LRPPRC: variants seen among roughly 807,000 people sequenced by gnomAD.
The protein encoded by LRPPRC is leucine rich pentatricopeptide repeat containing, also known as leucine-rich PPR motif-containing protein, mitochondrial.
Under a neutral mutation model 180.3 loss-of-function variants are expected in LRPPRC, and 120 were observed. The ratio of observed to expected loss-of-function variants is 0.67; its 90% CI spans 0.57 to 0.77. The LOEUF is 0.77. LRPPRC is among the 30% of genes least tolerant of loss of function. The probability of loss-of-function intolerance (pLI) is 0.00; values close to 1 mark genes in which losing one functional copy is unlikely to be tolerated. For synonymous variants in LRPPRC, 723 were observed against 600.0 expected (o/e 1.21, Z -3.00); for missense variants, 2,012 against 1,657.2 (o/e 1.21, Z -3.72).
intron 26 of LRPPRC, 76 bp downstream of exon 26, chr2:43,925,817 T>A: frequency 1.1e-6 from 1 of 947,598 alleles, no homozygotes; most frequent in Non-Finnish European, 1.7e-6. Flanking sequence ...AGTCCCCAAA[T>A]CTTCATGTGA....
chr2:43,955,003 G>C (rs1040654099), intron 14 of LRPPRC, among the ~76,000 whole-genome samples: 3 of 152,100 alleles, frequency 2.0e-5, no homozygotes, highest in Non-Finnish European at 4.4e-5. Flanking sequence ...AGCATGGAAG[G>C]ATACACTCCA....
chr2:43,934,050 C>A (rs542613717), intron 25 of LRPPRC, 140 bp downstream of exon 25: 6 of 622,442 alleles, frequency 9.6e-6, no homozygotes, highest in East Asian at 8.5e-5. Flanking sequence ...TGGCCGAGAT[C>A]CCCCTCCCCC....
chr2:43,956,661 A>T (rs1673129800), intron 14 of LRPPRC, among the ~76,000 whole-genome samples: 1 of 152,124 alleles, frequency 6.6e-6, no homozygotes, highest in African/African-American at 2.4e-5. Flanking sequence ...AGGCCGAGGC[A>T]GGTGAATCAC....
At chr2:43,912,354 T>G in intron 30 of LRPPRC, 78 bp downstream of exon 30, 1 of 1,302,340 alleles carries the variant, frequency 7.7e-7, no homozygotes, top group Non-Finnish European at 1.1e-6. Context: ...ACACAGCACA[T>G]TACTATTATA....
intron 23 of LRPPRC, among the ~76,000 whole-genome samples, chr2:43,935,271 T>G (rs1672235843): frequency 6.6e-6 from 1 of 152,240 alleles, no homozygotes; most frequent in Non-Finnish European, 1.5e-5. Context: ...TCCAATCACT[T>G]ACGTGCCTTT....
intron 31 of LRPPRC, chr2:43,903,533 T>C (rs980502742): frequency 1.6e-4 from 23 of 139,748 alleles, no homozygotes; most frequent in African/African-American, 5.2e-4. Flanking sequence ...CTGATGATCA[T>C]TTTACTCTAA....
intron 1 of LRPPRC, among the ~76,000 whole-genome samples, chr2:43,987,345 A>G (rs1049213701): frequency 2.0e-5 from 3 of 152,062 alleles, no homozygotes; most frequent in African/African-American, 7.2e-5. Context: ...AATACAAAAA[A>G]TTAGCCAGGG....
intron 23 of LRPPRC, among the ~76,000 whole-genome samples, chr2:43,942,873 G>T (rs1052412054): frequency 1.3e-5 from 2 of 151,918 alleles, no homozygotes; most frequent in African/African-American, 4.8e-5. Context: ...TTTCAGATAC[G>T]TATATCTTCC....
At chr2:43,961,984 G>A (rs986260759) in intron 12 of LRPPRC, among the ~76,000 whole-genome samples, 9 of 152,072 alleles carry the variant, frequency 5.9e-5, no homozygotes, top group African/African-American at 1.9e-4. Flanking sequence ...AAAAAAAGCA[G>A]ATCAATACTG....
At chr2:43,989,770 AT>A (rs1440960897) in intron 1 of LRPPRC, among the ~76,000 whole-genome samples, 1 of 152,214 alleles carries the variant, frequency 6.6e-6, no homozygotes, top group Non-Finnish European at 1.5e-5. Context: ...TATGTAAAAC[AT>A]TTCAGAAACG....
chr2:43,914,125 T>C (rs1671358062), intron 29 of LRPPRC, among the ~76,000 whole-genome samples: 1 of 152,234 alleles, frequency 6.6e-6, no homozygotes, highest in South Asian at 2.1e-4. Flanking sequence ...AATGCAATTA[T>C]TGTCAACTTC....
intron 30 of LRPPRC, among the ~76,000 whole-genome samples, chr2:43,911,717 G>T (rs1671268176): frequency 6.6e-6 from 1 of 151,696 alleles, no homozygotes; most frequent in Non-Finnish European, 1.5e-5. Flanking sequence ...AGTAGAGACA[G>T]GGTTTCACCA....
chr2:43,942,862 C>T (rs1672534093), intron 23 of LRPPRC, among the ~76,000 whole-genome samples: 2 of 152,034 alleles, frequency 1.3e-5, no homozygotes, highest in African/African-American at 4.8e-5. Context: ...TGTTTTACTA[C>T]TTTCAGATAC....
At chr2:43,947,590 G>A in intron 19 of LRPPRC, 141 bp downstream of exon 19, 1 of 675,192 alleles carries the variant, frequency 1.5e-6, no homozygotes, top group South Asian at 1.8e-5. Context: ...TTCTGAGGTG[G>A]GGAACAGGTT....
chr2:43,893,502 T>G (rs75841946), intron 36 of LRPPRC, among the ~76,000 whole-genome samples: 1,617 of 152,312 alleles, frequency 0.011, 29 homozygotes, highest in African/African-American at 0.037. Flanking sequence ...ACCAGCAAGA[T>G]TATGACTCAC....
rs1671549938 is a variant in LRPPRC, at chr2:43,918,271, CG to C, written c.3023del (p.Pro1008ArgfsTer16). The part of the protein sequence containing the change: ...EILREGNQEV[P>X]FDVPELWYED... ...AAACAATTACCTCAGGTACGTCAAA[CG>C]GAACTTCCTGGTTACCCTCTCTAAG... is the stretch of plus-strand genomic sequence containing the variant. On this transcript the variant is annotated frameshift_variant, in exon 28 of 38. Coordinates refer to ENST00000260665, the MANE Select transcript of LRPPRC (RefSeq NM_133259.4). LOFTEE classifies it high-confidence loss of function. 6.2e-7 allele frequency: 1 copy of C among 1,613,364 alleles called. No homozygotes were observed. The highest frequency in any genetic ancestry group is 1.3e-5 in the African/African-American group (1 of 75,032).
intron 31 of LRPPRC, chr2:43,903,573 G>A (rs1452072144): frequency 6.9e-6 from 1 of 145,638 alleles, no homozygotes; most frequent in Admixed American, 6.8e-5. Context: ...TGCTCAGGGA[G>A]GGGGGTGGGG....
chr2:43,994,107 G>T lies in LRPPRC; in HGVS notation c.149+1692C>A, dbSNP rs114006971. On this transcript the variant is annotated intron_variant, in intron 1 of 37. Transcript: ENST00000260665. The stretch of plus-strand genomic sequence containing the variant: ...ATGTGGACCTTCCCCTGGCCTCACA[G>T]AAATGCTGAGGATTAGAAAAATAAG... Among the ~76,000 whole-genome samples, 896 of 152,100 alleles carry T rather than the reference G, an allele frequency of 5.9e-3. 9 individuals carry two copies. The highest frequency in any genetic ancestry group is 0.021 in the African/African-American group (852 of 41,480).
At chr2:43,934,097 G>A in intron 25 of LRPPRC, 93 bp downstream of exon 25, 1 of 744,650 alleles carries the variant, frequency 1.3e-6, no homozygotes, top group East Asian at 2.7e-5. Flanking sequence ...ACATGAATCA[G>A]AACAAGTGTA....
Sources: gnomAD v4.1 joint callset for allele counts (sites outside exome capture counted in the v4.1 genomes callset) on GRCh38, gnomAD v4.1.1 for gene constraint, MANE v1.5 for transcripts, NCBI Gene and HGNC (gene_info 2026-07-23, HGNC 2026-07-21) for gene names.